The following FBXL13 variants were observed in gnomAD, a reference collection of about 807,000 sequenced individuals.
The protein encoded by FBXL13 is F-box and leucine-rich repeat protein 13.
Under a neutral mutation model 83.6 loss-of-function variants are expected in FBXL13, and 67 were observed. The observed-to-expected ratio is 0.80, with a 90% CI of 0.66 to 0.98. The LOEUF is 0.98. FBXL13 is among the 50% of genes least tolerant of loss of function. The probability of loss-of-function intolerance (pLI) is 0.00; values close to 1 mark genes in which losing one functional copy is unlikely to be tolerated. For missense variants in FBXL13, 822 were observed against 866.5 expected, an observed-to-expected ratio of 0.95 and a Z score of 0.64; for synonymous variants, 272 against 299.5, an observed-to-expected ratio of 0.91 and a Z score of 0.95.
chr7:102,827,656 C>T (rs1470267566), intron 18 of FBXL13, among the ~76,000 whole-genome samples: 5 of 151,974 alleles, frequency 3.3e-5, no homozygotes, highest in South Asian at 2.1e-4. Flanking sequence ...AGGTATATCT[C>T]GTAATGCTAT....
chr7:102,860,181 T>C (rs1806599952), intron 16 of FBXL13, among the ~76,000 whole-genome samples: 1 of 152,214 alleles, frequency 6.6e-6, no homozygotes, highest in Non-Finnish European at 1.5e-5. Flanking sequence ...TTTCTCTCTC[T>C]GGGGAATATG....
intron 11 of FBXL13, among the ~76,000 whole-genome samples, chr7:102,907,320 C>CT (rs887964621): frequency 1.3e-4 from 19 of 151,432 alleles, no homozygotes; most frequent in African/African-American, 1.9e-4. Context: ...GTTTTTCATT[C>CT]TTTTTTTTTA....
At chr7:102,835,988 A>G (rs1562929780) in intron 17 of FBXL13, among the ~76,000 whole-genome samples, 2 of 152,214 alleles carry the variant, frequency 1.3e-5, no homozygotes, top group Non-Finnish European at 2.9e-5. Context: ...GAGAAAAATT[A>G]AAGCAAGAAA....
chr7:102,883,582 T>C (rs772208128), exon 13 of FBXL13: 7 of 1,609,102 alleles, frequency 4.4e-6, no homozygotes. Context: ...AAATCGGATC[T>C]TTCTGAGTTT....
At chr7:102,811,841 C>A (rs1227370347), downstream of FBXL13, among the ~76,000 whole-genome samples, 2 of 152,140 alleles carry the variant, frequency 1.3e-5, no homozygotes, top group South Asian at 2.1e-4. Context: ...TGCCTGTGTG[C>A]CCACTCCTAG....
Position 102,933,910 on chromosome 7 carries a change from C to A in FBXL13, c.725-1977G>T, listed in dbSNP as rs368630450. On this transcript the variant is annotated intron_variant, in intron 8 of 19. Transcript: ENST00000313221. Reference sequence around the variant, plus strand: ...GAAGTAATTGGGGCCAGCTGGATGTCAGGATGCGTGTGGTTACCATTGTAA... The same window carrying A: ...GAAGTAATTGGGGCCAGCTGGATGTAAGGATGCGTGTGGTTACCATTGTAA... 5.0e-6 allele frequency: 8 copies of A among 1,590,216 alleles called. No individual in the cohort carries two copies. In the East Asian group the frequency reaches 1.6e-4, roughly 31 times the overall value.
chr7:103,060,464 G>A (rs1797797859), intron 1 of FBXL13, among the ~76,000 whole-genome samples: 2 of 152,136 alleles, frequency 1.3e-5, no homozygotes, highest in Admixed American at 1.3e-4. Flanking sequence ...TCAAAGTCCA[G>A]TGTGATGACT....
intron 8 of FBXL13, chr7:102,934,019 G>A: frequency 6.2e-7 from 1 of 1,614,092 alleles, no homozygotes; most frequent in South Asian, 1.1e-5. Context: ...TGGCCGGGCG[G>A]GTGGAGGCCG....
chr7:103,029,198 TTAAA>T (rs2129488652), intron 3 of FBXL13, among the ~76,000 whole-genome samples, 149 bp downstream of exon 4: 2 of 152,100 alleles, frequency 1.3e-5, no homozygotes, highest in East Asian at 3.9e-4. Flanking sequence ...TAAAAGCTGA[TTAAA>T]TATAAAAGAA....
chr7:102,862,374 G>A (rs544680996), intron 16 of FBXL13, among the ~76,000 whole-genome samples: 47 of 151,076 alleles, frequency 3.1e-4, no homozygotes, highest in African/African-American at 1.0e-3. Flanking sequence ...TGGAGGGTGC[G>A]CAATGATATG....
intron 10 of FBXL13, among the ~76,000 whole-genome samples, chr7:102,918,568 C>T (rs761197677): frequency 5.9e-5 from 9 of 152,150 alleles, no homozygotes; most frequent in Non-Finnish European, 1.0e-4. Flanking sequence ...ATAACCCCAG[C>T]ACTTTGGGAA....
chr7:103,034,598 C>T (rs765175833), intron 2 of FBXL13, among the ~76,000 whole-genome samples: 19 of 152,254 alleles, frequency 1.2e-4, no homozygotes, highest in Non-Finnish European at 1.8e-4. Context: ...CACACCTCCT[C>T]GCAAGCTGAG....
At chr7:103,064,090 C>T (rs1798169574) in intron 1 of FBXL13, among the ~76,000 whole-genome samples, 1 of 152,186 alleles carries the variant, frequency 6.6e-6, no homozygotes, top group African/African-American at 2.4e-5. Context: ...ATTCTCTCTC[C>T]TTGTGGCCAC....
chr7:103,063,792 G>C (rs11971520), intron 1 of FBXL13, among the ~76,000 whole-genome samples: 1,636 of 148,046 alleles, frequency 0.011, 36 homozygotes, highest in African/African-American at 0.039. Flanking sequence ...TGGCCTCAAG[G>C]AATCCTCCTG....
At chr7:102,942,671 C>T (rs1821687789) in intron 8 of FBXL13, among the ~76,000 whole-genome samples, 1 of 152,118 alleles carries the variant, frequency 6.6e-6, no homozygotes, top group South Asian at 2.1e-4. Context: ...CTTCAGAACA[C>T]AAGGGCTGAT....
At chr7:102,944,467 T>C (rs1373538506) in intron 8 of FBXL13, 3 of 1,613,882 alleles carry the variant, frequency 1.9e-6, no homozygotes, top group Non-Finnish European at 2.5e-6. Context: ...TATTAGAAGT[T>C]ACTATGAAGA....
chr7:103,057,192 T>C (rs1301895396), intron 1 of FBXL13, among the ~76,000 whole-genome samples: 1 of 152,218 alleles, frequency 6.6e-6, no homozygotes, highest in African/African-American at 2.4e-5. Flanking sequence ...TACATACCCC[T>C]CTGTATTTAT....
chr7:102,884,656 T>C (rs2129459229), intron 11 of FBXL13, among the ~76,000 whole-genome samples: 1 of 152,190 alleles, frequency 6.6e-6, no homozygotes, highest in East Asian at 1.9e-4. Context: ...TTAAAAAAAT[T>C]TTTTTAATTA....
At chr7:103,044,858 C>G (rs1172937403) in intron 2 of FBXL13, among the ~76,000 whole-genome samples, 1 of 152,180 alleles carries the variant, frequency 6.6e-6, no homozygotes. Context: ...TTTCCTTCTA[C>G]TATTATGAGA....
Sources: gnomAD v4.1 joint callset for allele counts (sites outside exome capture counted in the v4.1 genomes callset) on GRCh38, gnomAD v4.1.1 for gene constraint, MANE v1.5 for transcripts, NCBI Gene and HGNC (gene_info 2026-07-23, HGNC 2026-07-21) for gene names.